FRMD5: variants seen among roughly 807,000 people sequenced by gnomAD.
The protein encoded by FRMD5 is FERM domain-containing protein 5.
Under a neutral mutation model 69.0 loss-of-function variants are expected in FRMD5, and 20 were observed. The ratio of observed to expected loss-of-function variants is 0.29; its 90% CI spans 0.20 to 0.42. The LOEUF is 0.42. Among genes scored for constraint, FRMD5 ranks in the 10% least tolerant of loss-of-function variants. The pLI is 1.00. For synonymous variants in FRMD5, 271 were observed against 260.1 expected, an observed-to-expected ratio of 1.04 and a Z score of -0.40; for missense variants, 595 against 708.6, an observed-to-expected ratio of 0.84 and a Z score of 1.82.
intron 1 of FRMD5, among the ~76,000 whole-genome samples, chr15:44,174,730 A>G (rs1218564819): frequency 6.6e-6 from 1 of 152,224 alleles, no homozygotes; most frequent in Non-Finnish European, 1.5e-5. Flanking sequence ...GAAAGTTATG[A>G]CAAGATAGTG....
At chr15:43,903,905 C>T (rs916372762) in intron 6 of FRMD5, among the ~76,000 whole-genome samples, 1 of 152,226 alleles carries the variant, frequency 6.6e-6, no homozygotes, top group Non-Finnish European at 1.5e-5. Context: ...TTTGAAGGAA[C>T]CATGAGGCCC....
chr15:43,949,479 C>T (rs2089994248), intron 1 of FRMD5, among the ~76,000 whole-genome samples: 1 of 152,218 alleles, frequency 6.6e-6, no homozygotes, highest in Non-Finnish European at 1.5e-5. Flanking sequence ...CTTTCTGGAA[C>T]TCATGGAGTC....
At chr15:43,966,939 C>T (rs1485797555) in intron 1 of FRMD5, among the ~76,000 whole-genome samples, 1 of 151,978 alleles carries the variant, frequency 6.6e-6, no homozygotes, top group East Asian at 1.9e-4. Flanking sequence ...TTAGGAGTTG[C>T]CTATAGGAGC....
At chr15:43,964,502 A>AAC (rs201660149) in intron 1 of FRMD5, among the ~76,000 whole-genome samples, 3,642 of 149,958 alleles carry the variant, frequency 0.024, 109 homozygotes, top group African/African-American at 0.06. Flanking sequence ...CAAACAAACA[A>AAC]AAAAAAAAAC....
At chr15:43,874,605 C>G (rs551202578) in intron 13 of FRMD5, 143 bp from the exon 14 acceptor site, 1 of 648,958 alleles carries the variant, frequency 1.5e-6, no homozygotes, top group East Asian at 2.7e-5. Context: ...TTTGATATAT[C>G]GAGAAGACGA....
chr15:43,988,849 C>A (rs1042735809), intron 1 of FRMD5, among the ~76,000 whole-genome samples: 1 of 152,060 alleles, frequency 6.6e-6, no homozygotes, highest in African/African-American at 2.4e-5. Context: ...GAACAATGTA[C>A]AATGAAAGTC....
intron 1 of FRMD5, among the ~76,000 whole-genome samples, chr15:44,187,945 C>T (rs2078130043): frequency 6.6e-6 from 1 of 152,122 alleles, no homozygotes; most frequent in African/African-American, 2.4e-5. Context: ...TGGAATCCCT[C>T]CCCATTTCCC....
intron 1 of FRMD5, 23 bp downstream of exon 1, chr15:44,194,930 G>C (rs750560519): frequency 3.3e-6 from 5 of 1,508,924 alleles, no homozygotes; most frequent in African/African-American, 2.9e-5. Context: ...CCCGCGGGCG[G>C]GGCGGGGCGG....
At chr15:44,110,612 CACAGAAAAAG>C (rs1229035743) in intron 1 of FRMD5, among the ~76,000 whole-genome samples, 1 of 152,184 alleles carries the variant, frequency 6.6e-6, no homozygotes, top group Non-Finnish European at 1.5e-5. Context: ...CCTCTCTTAA[CACAGAAAAAG>C]TGTGGACCAT....
At chr15:43,984,949 A>G (rs1469075292) in intron 1 of FRMD5, among the ~76,000 whole-genome samples, 1 of 148,928 alleles carries the variant, frequency 6.7e-6, no homozygotes, top group Non-Finnish European at 1.5e-5. Context: ...GCGCCACTGC[A>G]CCCCAAACTG....
chr15:43,907,020 T>C (rs1484080902), intron 5 of FRMD5, among the ~76,000 whole-genome samples: 3 of 152,042 alleles, frequency 2.0e-5, no homozygotes, highest in Non-Finnish European at 4.4e-5. Context: ...CAGTAAACTT[T>C]AGGAGGGCAG....
At chr15:43,911,638 G>A (rs2089289463) in intron 4 of FRMD5, among the ~76,000 whole-genome samples, 1 of 152,184 alleles carries the variant, frequency 6.6e-6, no homozygotes, top group African/African-American at 2.4e-5. Flanking sequence ...GACACTCTGA[G>A]ACAATTAAAC....
intron 1 of FRMD5, among the ~76,000 whole-genome samples, chr15:43,961,512 C>A (rs1359048758): frequency 6.6e-6 from 1 of 152,142 alleles, no homozygotes; most frequent in Non-Finnish European, 1.5e-5. Context: ...TGAAACAATT[C>A]CAATCAATAG....
In FRMD5 at chr15:44,109,015, T is replaced by TAAAATA. The variant is rs1555404818; in HGVS notation, c.102+85937_102+85938insTATTTT. On this transcript the variant is annotated intron_variant, in intron 1 of 13. Transcript: ENST00000417257. ...TAAAATAAAATAAAATAAAATAAAA[T>TAAAATA]AAAATGTTTGCCAATGCCATTGCCA... Among the ~76,000 whole-genome samples the TAAAATA allele has an allele frequency of 8.3e-3, 1,242 of 149,768 alleles. 22 individuals carry two copies. Among genetic ancestry groups the TAAAATA allele is most frequent in the African/African-American group, 0.026 (1,046 of 39,594 alleles).
At chr15:43,960,324 A>C (rs561517923) in intron 1 of FRMD5, among the ~76,000 whole-genome samples, 193 of 152,270 alleles carry the variant, frequency 1.3e-3, no homozygotes, top group Non-Finnish European at 2.4e-3. Flanking sequence ...ATCTTGGCTC[A>C]CTGCAAGCTC....
chr15:44,145,105 C>T (rs2077337122), intron 1 of FRMD5, among the ~76,000 whole-genome samples: 1 of 152,172 alleles, frequency 6.6e-6, no homozygotes, highest in African/African-American at 2.4e-5. Context: ...ACTACAGCAG[C>T]CTATTTCTCT....
chr15:43,874,077 C>A lies in FRMD5; in HGVS notation c.1521G>T (p.Val507=). The A allele has an allele frequency of 6.2e-7, 1 of 1,614,174 alleles. No homozygotes were observed. The highest frequency in any genetic ancestry group is 1.1e-5 in the South Asian group (1 of 91,052). ...FVLSVLRLLL[V]TMGLLFVLLL... ...GCAAAACAAAGAGGAGTCCCATGGTCACAAGGAGCAAACGGAGGACACTTA... is the reference window on the plus strand; with the variant it reads ...GCAAAACAAAGAGGAGTCCCATGGTAACAAGGAGCAAACGGAGGACACTTA... Residue 507 remains valine, a synonymous_variant, in exon 14 of 14, where the codon GTG becomes GTT. Transcript: ENST00000417257.
intron 1 of FRMD5, among the ~76,000 whole-genome samples, chr15:44,082,010 C>T (rs1048030857): frequency 1.3e-5 from 2 of 151,900 alleles, no homozygotes; most frequent in Admixed American, 6.6e-5. Context: ...ACCTGCTTTT[C>T]CCAAAAATTC....
chr15:44,043,242 G>C (rs1363594068), intron 1 of FRMD5, among the ~76,000 whole-genome samples: 1 of 152,070 alleles, frequency 6.6e-6, no homozygotes, highest in African/African-American at 2.4e-5. Context: ...TCTTCAAGGA[G>C]AACTACAAAC....
Sources: allele counts gnomAD v4.1 joint callset (sites outside exome capture counted in the v4.1 genomes callset), GRCh38; gene constraint gnomAD v4.1.1; transcripts MANE v1.5; gene names NCBI Gene and HGNC (gene_info 2026-07-23, HGNC 2026-07-21).